MCMDC2: variants seen among roughly 807,000 people sequenced by gnomAD.
MCMDC2 encodes minichromosome maintenance domain-containing protein 2.
A neutral mutation model predicts 75.8 loss-of-function variants in MCMDC2; 54 were observed. That is an observed-to-expected ratio of 0.71 (90% confidence interval 0.57 to 0.89). MCMDC2 has a LOEUF of 0.89. Ranked by LOEUF, MCMDC2 falls within the 40% of genes least tolerant of loss-of-function variation. The pLI is 0.00. For synonymous variants in MCMDC2, 249 were observed against 274.6 expected, an observed-to-expected ratio of 0.91 and a Z score of 0.92; for missense variants, 656 against 780.4, an observed-to-expected ratio of 0.84 and a Z score of 1.90.
At chr8:66,881,211 ATGT>A (rs1217469539) in intron 8 of MCMDC2, among the ~76,000 whole-genome samples, 6 of 152,336 alleles carry the variant, frequency 3.9e-5, no homozygotes, top group Non-Finnish European at 7.3e-5. Flanking sequence ...AAACAGGATA[ATGT>A]TGTGGAAACT....
At chr8:66,887,103 T>C (rs1811878419) in intron 9 of MCMDC2, among the ~76,000 whole-genome samples, 1 of 152,190 alleles carries the variant, frequency 6.6e-6, no homozygotes, top group Non-Finnish European at 1.5e-5. Context: ...TTGCCAAATA[T>C]ATGTATTATA....
chr8:66,925,581 G>T (rs968238458), downstream of MCMDC2: 1 of 152,214 alleles, frequency 6.6e-6, no homozygotes, highest in African/African-American at 2.4e-5. Flanking sequence ...GCACTCCGGT[G>T]GCCCCGCCTC....
rs190577797 is a variant in MCMDC2, at chr8:66,876,799, T to C, written c.286-550T>C. ...CACCCAGGCTGGAGTCTCACTCTGT[T>C]GCCCAGGCTGGAGTGCAGTGGCGCG... is the stretch of plus-strand genomic sequence containing the variant. On this transcript the variant is annotated intron_variant, in intron 4 of 14. Transcript: ENST00000422365. Among the ~76,000 whole-genome samples the C allele has an allele frequency of 1.7e-3, 257 of 150,680 alleles. No homozygotes were observed. In the Middle Eastern group the frequency reaches 0.027, roughly 16 times the overall value.
intron 7 of MCMDC2, among the ~76,000 whole-genome samples, chr8:66,880,200 A>T (rs1811494264): frequency 6.6e-6 from 1 of 152,146 alleles, no homozygotes; most frequent in Non-Finnish European, 1.5e-5. Flanking sequence ...AAGCCATGTA[A>T]CCTCTCAGTT....
intron 7 of MCMDC2, among the ~76,000 whole-genome samples, chr8:66,879,319 G>A (rs545090278): frequency 3.9e-5 from 6 of 152,032 alleles, no homozygotes; most frequent in South Asian, 4.2e-4. Flanking sequence ...CTGGCCAGGC[G>A]CGGTGGCTCA....
chr8:66,916,495 C>G (rs1335803702), intron 14 of MCMDC2, among the ~76,000 whole-genome samples: 5 of 152,228 alleles, frequency 3.3e-5, no homozygotes, highest in Middle Eastern at 3.4e-3. Flanking sequence ...CTGTGATTCA[C>G]TTAAAGGGAA....
intron 5 of MCMDC2, 119 bp from the exon 6 acceptor site, chr8:66,878,455 T>A (rs1811402164): frequency 2.2e-6 from 2 of 912,750 alleles, no homozygotes; most frequent in Non-Finnish European, 3.1e-6. Context: ...ACAATCTGTG[T>A]CAGTAATAAA....
Position 66,901,314 on chromosome 8 carries a change from G to A in MCMDC2, c.1735G>A (p.Gly579Arg), listed in dbSNP as rs1406500811. 1 of 1,612,526 alleles carries A rather than the reference G, an allele frequency of 6.2e-7. No homozygotes were observed. The highest frequency in any genetic ancestry group is 8.5e-7 in the Non-Finnish European group (1 of 1,179,300). The change falls in exon 13 of 15, where the codon GGA (glycine) becomes AGA (arginine). Residue 579 changes from glycine to arginine, a missense_variant. Physicochemically the swap from Gly to Arg is moderately radical, Grantham distance 125. Coordinates refer to ENST00000422365, the MANE Select transcript of MCMDC2 (RefSeq NM_173518.5). ...CAGAATCAGAACAGGCTCTGTATGT[G>A]GATCAAAGCTGTCAGCATCTGCATT... Reference protein sequence around the residue: ...SRRIRTGSVCGSKLSASALKY... With the variant: ...SRRIRTGSVCRSKLSASALKY...
chr8:66,878,841 A>G lies in MCMDC2; in HGVS notation c.631A>G (p.Thr211Ala), dbSNP rs1450587674. 2.5e-6 allele frequency: 4 copies of G among 1,607,914 alleles called. No individual in the cohort carries two copies. The African/African-American group carries it at 5.4e-5, about 22-fold the overall frequency. ...TAAACAAATAGTTGAAATAATTGCCACAAAGGCACTTCGTGCTTTTCAAGG... is the reference window on the plus strand; with the variant it reads ...TAAACAAATAGTTGAAATAATTGCCGCAAAGGCACTTCGTGCTTTTCAAGG... ...GDKQIVEIIA[T>A]KALRAFQGYS... is the part of the protein sequence containing the mutation. The change falls in exon 7 of 15, where the codon ACA becomes GCA. Residue 211 changes from threonine to alanine, a missense_variant. By Grantham distance (58) the Thr-to-Ala change is moderately conservative. Transcript: ENST00000422365.
At chr8:66,883,309 C>G (rs561527221) in intron 8 of MCMDC2, among the ~76,000 whole-genome samples, 187 of 152,232 alleles carry the variant, frequency 1.2e-3, no homozygotes, top group African/African-American at 4.4e-3. Flanking sequence ...AATATAGGAG[C>G]AAACACAGCA....
At chr8:66,894,335 CT>C (rs757689516) in intron 10 of MCMDC2, among the ~76,000 whole-genome samples, 1 of 152,222 alleles carries the variant, frequency 6.6e-6, no homozygotes, top group African/African-American at 2.4e-5. Context: ...ATATCATACT[CT>C]TTCTTACTTG....
chr8:66,881,410 TG>T (rs2130803133), intron 8 of MCMDC2, among the ~76,000 whole-genome samples: 2 of 152,330 alleles, frequency 1.3e-5, no homozygotes, highest in Admixed American at 1.3e-4. Flanking sequence ...CATCCTTGGC[TG>T]GGCGCTGTGG....
In MCMDC2 at chr8:66,877,459, A is replaced by G. The variant is rs1375001059; in HGVS notation, c.396A>G (p.Gly132=). ...YTSQRFYMMQ[G]IVIAMTTITK... The stretch of plus-strand genomic sequence containing the variant: ...CTCAGAGATTTTATATGATGCAAGG[A>G]ATTGTGATTGCAATGACAACTATAA... Residue 132 remains glycine (G), a synonymous_variant, in exon 5 of 15, where the codon GGA becomes GGG. Transcript: ENST00000422365. 9 of 1,613,240 alleles carry G rather than the reference A, an allele frequency of 5.6e-6. No homozygotes were observed. Among genetic ancestry groups the G allele is most frequent in the Non-Finnish European group, 7.6e-6 (9 of 1,179,712 alleles).
At position 66,921,740 on chromosome 8, in the gene MCMDC2, A is replaced by G. The variant is rs534772108; in HGVS notation, c.*2571A>G. The G allele has an allele frequency of 1.3e-5, 2 of 152,332 alleles. No homozygotes were observed. The highest frequency in any genetic ancestry group is 1.9e-4 in the East Asian group (1 of 5,186). 9.4% of individuals were successfully genotyped at this position (152,332 alleles called of 1,614,324 possible). A position where few individuals can be genotyped will look rare whatever the true frequency, so the allele number is the denominator to read the frequency against. On this transcript the variant is annotated 3_prime_UTR_variant, in exon 15 of 15. Coordinates refer to ENST00000422365, the MANE Select transcript of MCMDC2 (RefSeq NM_173518.5). ...TGGTATTAAAGAGTTTTAAGATTCA[A>G]CCACCTGGTACAACAGCAGGCTCTG... is the stretch of plus-strand genomic sequence containing the variant.
chr8:66,873,778 T>G (rs1217695028), intron 1 of MCMDC2, among the ~76,000 whole-genome samples: 1 of 151,958 alleles, frequency 6.6e-6, no homozygotes, highest in Non-Finnish European at 1.5e-5. Context: ...TCCCAGCTAC[T>G]TGGGAGGCTG....
intron 12 of MCMDC2, among the ~76,000 whole-genome samples, chr8:66,897,235 C>T (rs1205083255): frequency 2.6e-5 from 4 of 151,728 alleles, no homozygotes; most frequent in African/African-American, 9.7e-5. Context: ...AGTGAAACCC[C>T]GTCTCTACCA....
Position 66,920,770 on chromosome 8 carries a change from G to C in MCMDC2, c.*1601G>C, listed in dbSNP as rs535104300. ...CTCAGCTCCCTGCAGCCTTGACCTT[G>C]CAAGTAATTCTCCCACCTTAGGCCT... On this transcript the variant is annotated 3_prime_UTR_variant, in exon 15 of 15. Transcript: ENST00000422365. The C allele has an allele frequency of 2.0e-5, 3 of 152,122 alleles. No homozygotes were observed. Among genetic ancestry groups the C allele is most frequent in the African/African-American group, 7.2e-5 (3 of 41,480 alleles). The allele number at this position is 152,122 out of a possible 1,614,324, so 9.4% of individuals were successfully genotyped here. A position where few individuals can be genotyped will look rare whatever the true frequency, so the allele number is the denominator to read the frequency against.
intron 14 of MCMDC2, among the ~76,000 whole-genome samples, chr8:66,906,741 T>A (rs1445666387): frequency 6.6e-6 from 1 of 151,776 alleles, no homozygotes; most frequent in East Asian, 1.9e-4. Flanking sequence ...TATCTTTTTT[T>A]AATTAGCATT....
At chr8:66,901,524 T>G (rs1812660206) in intron 13 of MCMDC2, 176 bp downstream of exon 13, 1 of 1,310,376 alleles carries the variant, frequency 7.6e-7, no homozygotes, top group Non-Finnish European at 9.7e-7. Flanking sequence ...TTATATCATG[T>G]TACATCATTT....
Sources: gnomAD v4.1 joint callset for allele counts (sites outside exome capture counted in the v4.1 genomes callset) on GRCh38, gnomAD v4.1.1 for gene constraint, MANE v1.5 for transcripts, NCBI Gene and HGNC (gene_info 2026-07-23, HGNC 2026-07-21) for gene names.